ATP7A: variants seen among roughly 807,000 people sequenced by gnomAD.
ATP7A encodes the protein copper-transporting ATPase 1.
A neutral mutation model predicts 83.5 loss-of-function variants in ATP7A; 7 were observed. The observed-to-expected ratio is 0.08, with a 90% CI of 0.05 to 0.16. The LOEUF is 0.16. Ranked by LOEUF, ATP7A falls within the 10% of genes least tolerant of loss-of-function variation. ATP7A has a pLI of 1.00. For synonymous variants in ATP7A, 354 were observed against 395.2 expected (o/e 0.90, Z 1.24); for missense variants, 940 against 1,120.8 (o/e 0.84, Z 2.30).
intron 2 of ATP7A, among the ~76,000 whole-genome samples, chrX:77,976,971 T>C (rs937284829): frequency 9.0e-6 from 1 of 111,453 alleles, no homozygotes; most frequent in Admixed American, 9.6e-5. Context: ...CGAACAGGGA[T>C]ACGGTTGCCT....
At chrX:78,033,296 C>T (rs782256865) in intron 16 of ATP7A, among the ~76,000 whole-genome samples, 1 of 112,058 alleles carries the variant, frequency 8.9e-6, no homozygotes, top group East Asian at 2.8e-4. Flanking sequence ...TTAGTAGAGA[C>T]AGGGTTTCAC....
chrX:77,925,632 C>T (rs2077237938), intron 1 of ATP7A, among the ~76,000 whole-genome samples: 2 of 111,398 alleles, frequency 1.8e-5, no homozygotes, highest in Non-Finnish European at 3.8e-5. Flanking sequence ...AGCAAAAAGC[C>T]ATCATCAGTA....
chrX:77,999,939 G>T (rs1486513704), intron 5 of ATP7A, among the ~76,000 whole-genome samples: 2 of 109,410 alleles, frequency 1.8e-5, no homozygotes, highest in African/African-American at 6.6e-5. Context: ...ATGTGATGAG[G>T]TTTCATGAGA....
intron 1 of ATP7A, among the ~76,000 whole-genome samples, chrX:77,914,710 C>T (rs1557222331): frequency 9.0e-6 from 1 of 111,036 alleles, no homozygotes; most frequent in Non-Finnish European, 1.9e-5. Flanking sequence ...GGCCTTAAAA[C>T]ACCTAGTGTT....
intron 1 of ATP7A, among the ~76,000 whole-genome samples, chrX:77,932,247 C>T (rs1323892973): frequency 9.4e-5 from 10 of 105,833 alleles, no homozygotes; most frequent in Non-Finnish European, 1.8e-4. Flanking sequence ...CGGGCAGAGG[C>T]GCTCCTCACA....
intron 2 of ATP7A, among the ~76,000 whole-genome samples, chrX:77,974,087 C>A (rs2077563615): frequency 9.1e-6 from 1 of 109,506 alleles, no homozygotes; most frequent in African/African-American, 3.3e-5. Context: ...CTTATCAAAC[C>A]TATTAGCTTT....
At chrX:77,934,665 C>T (rs782139870) in intron 1 of ATP7A, among the ~76,000 whole-genome samples, 15 of 110,056 alleles carry the variant, frequency 1.4e-4, no homozygotes, top group African/African-American at 3.0e-4. Flanking sequence ...TTTCTCAACT[C>T]GTGGCATCAT....
At position 78,048,419 on chromosome X, in the gene ATP7A, A is replaced by G. The variant is rs1057511036; in HGVS notation, c.*1849A>G. The G allele has an allele frequency of 1.8e-5, 2 of 112,337 alleles. No homozygotes were observed. The highest frequency in any genetic ancestry group is 9.2e-3 in the Middle Eastern group (2 of 217). 9.3% of individuals were successfully genotyped at this position (112,337 alleles called of 1,213,427 possible). A position where few individuals can be genotyped will look rare whatever the true frequency, so the allele number is the denominator to read the frequency against. On this transcript the variant is annotated 3_prime_UTR_variant, in exon 23 of 23. Coordinates refer to ENST00000341514, the MANE Select transcript of ATP7A (RefSeq NM_000052.7). ...CTTTTCTCCCCTTGAGGTCAGTAAT[A>G]AATACAAAAAAATCATTTTTCTAGA... is the stretch of plus-strand genomic sequence containing the variant.
chrX:77,963,378 A>G (rs1360262227), intron 1 of ATP7A: 7 of 112,142 alleles, frequency 6.2e-5, no homozygotes, highest in Non-Finnish European at 1.1e-4. Flanking sequence ...AGTGTCACAT[A>G]GCATTCACTA....
At chrX:78,002,959 C>T (rs1383448478) in intron 5 of ATP7A, 114 bp from the exon 6 acceptor site, 11 of 805,942 alleles carry the variant, frequency 1.4e-5, no homozygotes, top group African/African-American at 4.2e-5. Flanking sequence ...AGATTCAAAT[C>T]CTTTAATACT....
chrX:77,941,803 T>C (rs1483897628), intron 1 of ATP7A, among the ~76,000 whole-genome samples: 1 of 112,112 alleles, frequency 8.9e-6, no homozygotes, highest in East Asian at 2.8e-4. Context: ...ACATCACATG[T>C]TATAAAATCC....
chrX:77,939,268 G>A (rs1165641478), intron 1 of ATP7A, among the ~76,000 whole-genome samples: 1 of 109,475 alleles, frequency 9.1e-6, no homozygotes, highest in Non-Finnish European at 1.9e-5. Context: ...CTGCACTCCA[G>A]CCTGGGTGAC....
intron 14 of ATP7A, among the ~76,000 whole-genome samples, chrX:78,022,066 G>T (rs1178781706): frequency 8.9e-6 from 1 of 111,736 alleles, no homozygotes; most frequent in Admixed American, 9.5e-5. Flanking sequence ...CTGTTAACAG[G>T]ACTCAATCTC....
At chrX:78,039,614 G>A (rs782232574) in intron 18 of ATP7A, among the ~76,000 whole-genome samples, 13 of 112,201 alleles carry the variant, frequency 1.2e-4, no homozygotes, top group African/African-American at 3.6e-4. Context: ...GATTACAGGC[G>A]TGAGCCACCA....
intron 1 of ATP7A, among the ~76,000 whole-genome samples, chrX:77,970,981 G>T (rs1465989426): frequency 8.9e-6 from 1 of 111,933 alleles, no homozygotes; most frequent in Non-Finnish European, 1.9e-5. Flanking sequence ...TAAATAGGGT[G>T]GTCAGCATAG....
chrX:77,940,774 C>T (rs1438646704), intron 1 of ATP7A, among the ~76,000 whole-genome samples: 1 of 111,738 alleles, frequency 8.9e-6, no homozygotes, highest in Non-Finnish European at 1.9e-5. Flanking sequence ...ACAGGCAGTT[C>T]ACAAATGAAG....
chrX:77,996,982 G>A (rs982289874), intron 4 of ATP7A, among the ~76,000 whole-genome samples: 3 of 110,857 alleles, frequency 2.7e-5, no homozygotes, highest in Non-Finnish European at 5.7e-5. Flanking sequence ...CACAGTCTGT[G>A]TTCTAAATAA....
At chrX:77,968,787 T>G in intron 1 of ATP7A, 1 of 1,135,512 alleles carries the variant, frequency 8.8e-7, no homozygotes, top group East Asian at 3.0e-5. Context: ...ACAGATGTGG[T>G]CAGTGTGACA....
At chrX:78,014,516 G>A in intron 10 of ATP7A, 146 bp from the exon 11 acceptor site, 1 of 400,828 alleles carries the variant, frequency 2.5e-6, no homozygotes, top group Non-Finnish European at 4.3e-6. Context: ...ACATTTTGAA[G>A]TGAAACATTT....
Sources: allele counts gnomAD v4.1 joint callset (sites outside exome capture counted in the v4.1 genomes callset), GRCh38; gene constraint gnomAD v4.1.1; transcripts MANE v1.5; gene names NCBI Gene and HGNC (gene_info 2026-07-23, HGNC 2026-07-21).